Variants in RXFP1 observed in about 807,000 individuals in gnomAD.
RXFP1 encodes the protein relaxin receptor 1.
Under a neutral mutation model 89.8 loss-of-function variants are expected in RXFP1, and 73 were observed. That is an observed-to-expected ratio of 0.81 (90% CI 0.67 to 0.99). RXFP1 has a LOEUF of 0.99. Ranked by LOEUF, RXFP1 falls within the 50% of genes least tolerant of loss-of-function variation. The pLI is 0.00. For missense variants in RXFP1, 793 were observed against 895.5 expected, an observed-to-expected ratio of 0.89 and a Z score of 1.46; for synonymous variants, 277 against 305.5, an observed-to-expected ratio of 0.91 and a Z score of 0.97.
chr4:158,553,771 G>A lies in RXFP1; in HGVS notation c.50-18927G>A, dbSNP rs1750671356. 2.6e-5 allele frequency among the ~76,000 whole-genome samples: 4 copies of A among 152,028 alleles called. No individual in the cohort carries two copies. The South Asian group carries it at 6.2e-4, about 24-fold the overall frequency. ...CTGCCTTGGGGGAAGAAGTGGAACA[G>A]GAGAAAAAAGGGCAGGAGAAGGCCA... is the stretch of plus-strand genomic sequence containing the variant. On this transcript the variant is annotated intron_variant, in intron 1 of 17. Coordinates refer to ENST00000307765, the MANE Select transcript of RXFP1 (RefSeq NM_021634.4).
Position 158,522,006 on chromosome 4 carries a change from C to T in RXFP1, c.30C>T (p.Ile10=). ...CATCTGGTTCTGTCTTCTTCTACAT[C>T]TTAATTTTTGGAAAATATTGTAAGT... MTSGSVFFY[I]LIFGKYFSHG... is the part of the protein sequence containing the mutation. Residue 10 remains isoleucine, a synonymous_variant, in exon 1 of 18, where the codon ATC becomes ATT. Coordinates refer to ENST00000307765, the MANE Select transcript of RXFP1 (RefSeq NM_021634.4). 1.2e-6 allele frequency: 2 copies of T among 1,606,924 alleles called. No homozygotes were observed. The highest frequency in any genetic ancestry group is 1.7e-6 in the Non-Finnish European group (2 of 1,174,672).
At chr4:158,527,970 G>A (rs72981775) in intron 1 of RXFP1, among the ~76,000 whole-genome samples, 3,906 of 152,144 alleles carry the variant, frequency 0.026, 147 homozygotes, top group African/African-American at 0.089. Flanking sequence ...CTTGAAAATA[G>A]AAAGAACCTA....
intron 12 of RXFP1, among the ~76,000 whole-genome samples, chr4:158,635,819 TC>T (rs898973394): frequency 1.3e-5 from 2 of 151,908 alleles, no homozygotes; most frequent in African/African-American, 4.8e-5. Flanking sequence ...TATGGTCTAA[TC>T]TTCAGTAAAT....
At chr4:158,577,331 C>G (rs1323139414) in intron 2 of RXFP1, among the ~76,000 whole-genome samples, 2 of 152,146 alleles carry the variant, frequency 1.3e-5, no homozygotes, top group Admixed American at 1.3e-4. Flanking sequence ...GCCCACCGCA[C>G]CTGATCGGCT....
intron 16 of RXFP1, among the ~76,000 whole-genome samples, chr4:158,647,747 G>T (rs1440705773): frequency 6.6e-6 from 1 of 151,872 alleles, no homozygotes; most frequent in Non-Finnish European, 1.5e-5. Flanking sequence ...GCCAGGCACG[G>T]TGGCTCATAC....
chr4:158,643,414 A>T (rs1451172876), intron 14 of RXFP1, among the ~76,000 whole-genome samples: 1 of 145,330 alleles, frequency 6.9e-6, no homozygotes, highest in Admixed American at 6.9e-5. Context: ...CTTTGATATG[A>T]TTTTCTTTTC....
intron 1 of RXFP1, among the ~76,000 whole-genome samples, chr4:158,530,813 T>C (rs1440484505): frequency 6.6e-6 from 1 of 152,194 alleles, no homozygotes; most frequent in African/African-American, 2.4e-5. Flanking sequence ...TGTTTTTCTT[T>C]GTTGATATTT....
chr4:158,537,145 A>G (rs145006330), intron 1 of RXFP1, among the ~76,000 whole-genome samples: 5 of 152,174 alleles, frequency 3.3e-5, no homozygotes, highest in Non-Finnish European at 5.9e-5. Flanking sequence ...TAGAATCTAA[A>G]TCTAAAATCC....
chr4:158,642,951 G>A (rs1770670812), intron 14 of RXFP1, among the ~76,000 whole-genome samples: 1 of 152,166 alleles, frequency 6.6e-6, no homozygotes. Context: ...GCTTGAGGAA[G>A]CCATGTTTGA....
intron 15 of RXFP1, 191 bp from the exon 16 acceptor site, chr4:158,646,600 A>G: frequency 7.1e-7 from 1 of 1,402,618 alleles, no homozygotes. Flanking sequence ...AGTAACTTTG[A>G]GAGTGGTTAC....
intron 1 of RXFP1, among the ~76,000 whole-genome samples, chr4:158,542,261 G>A (rs1236563763): frequency 1.3e-5 from 2 of 151,114 alleles, no homozygotes; most frequent in African/African-American, 4.9e-5. Flanking sequence ...TTCTAATCCA[G>A]GCTCCAATCC....
chr4:158,530,303 T>C (rs78444349), intron 1 of RXFP1, among the ~76,000 whole-genome samples: 4,917 of 152,248 alleles, frequency 0.032, 255 homozygotes, highest in African/African-American at 0.11. Flanking sequence ...AAATAACTCT[T>C]CTCAGGTGCA....
chr4:158,572,952 T>C (rs1337297294), intron 2 of RXFP1, 117 bp downstream of exon 2: 2 of 1,389,306 alleles, frequency 1.4e-6, no homozygotes, highest in Non-Finnish European at 1.9e-6. Context: ...AAACATATGT[T>C]GCTTAAGGAA....
At chr4:158,526,729 G>T (rs1336635415) in intron 1 of RXFP1, among the ~76,000 whole-genome samples, 2 of 151,556 alleles carry the variant, frequency 1.3e-5, no homozygotes, top group Admixed American at 1.3e-4. Flanking sequence ...AATTAACTGG[G>T]TCTCCTTATT....
At chr4:158,650,112 C>G (rs905464546) in intron 17 of RXFP1, among the ~76,000 whole-genome samples, 38 of 152,192 alleles carry the variant, frequency 2.5e-4, no homozygotes, top group African/African-American at 7.5e-4. Context: ...CTTGAAGATA[C>G]TGTGCTAAGT....
rs374298697 is a variant in RXFP1, at chr4:158,651,921, G to A, written c.2140G>A (p.Ala714Thr). 1 of 1,614,126 alleles carries A rather than the reference G, an allele frequency of 6.2e-7. No individual in the cohort carries two copies. The highest frequency in any genetic ancestry group is 8.5e-7 in the Non-Finnish European group (1 of 1,180,034). Reference protein sequence around the residue: ...SMDSKGQKTYAPSFIWVEMWP... With the variant: ...SMDSKGQKTYTPSFIWVEMWP... ...GGACAGCAAAGGTCAGAAAACATATGCTCCATCATTCATCTGGGTGGAAAT... is the reference window on the plus strand; with the variant it reads ...GGACAGCAAAGGTCAGAAAACATATACTCCATCATTCATCTGGGTGGAAAT... The change falls in exon 18 of 18, where the codon GCT becomes ACT. Residue 714 changes from alanine (A) to threonine (T), a missense_variant. By Grantham distance (58) the Ala-to-Thr change is moderately conservative. Transcript: ENST00000307765.
intron 2 of RXFP1, among the ~76,000 whole-genome samples, chr4:158,575,030 G>A (rs972715219): frequency 1.3e-5 from 2 of 152,204 alleles, no homozygotes; most frequent in African/African-American, 4.8e-5. Flanking sequence ...AGAGCAACAG[G>A]AAAACTTCAC....
In RXFP1 at chr4:158,588,388, G is replaced by C. The variant is rs118126229; in HGVS notation, c.188-5013G>C. Among the ~76,000 whole-genome samples, 356 of 152,256 alleles carry C rather than the reference G, an allele frequency of 2.3e-3. 4 individuals are homozygous for C. The East Asian group carries it at 0.024, about 10-fold the overall frequency. Reference sequence around the variant, plus strand: ...CTCTAGGTATATTAGACAGAAATTAGGTAAGCAGAATCTTCTCAGAAGGGC... The same window carrying C: ...CTCTAGGTATATTAGACAGAAATTACGTAAGCAGAATCTTCTCAGAAGGGC... On this transcript the variant is annotated intron_variant, in intron 2 of 17. Coordinates refer to ENST00000307765, the MANE Select transcript of RXFP1 (RefSeq NM_021634.4).
chr4:158,551,709 G>A (rs1451558016), intron 1 of RXFP1, among the ~76,000 whole-genome samples: 1 of 152,168 alleles, frequency 6.6e-6, no homozygotes, highest in African/African-American at 2.4e-5. Context: ...GAGCGGCCGA[G>A]GTGAAAGTAT....
Sources: gnomAD v4.1 joint callset for allele counts (sites outside exome capture counted in the v4.1 genomes callset) on GRCh38, gnomAD v4.1.1 for gene constraint, MANE v1.5 for transcripts, NCBI Gene and HGNC (gene_info 2026-07-23, HGNC 2026-07-21) for gene names.